Variants in CACNA2D3 observed in about 807,000 individuals in gnomAD.
The protein encoded by CACNA2D3 is calcium voltage-gated channel auxiliary subunit alpha2delta 3, also known as voltage-dependent calcium channel subunit alpha-2/delta-3.
Under a neutral mutation model 160.6 loss-of-function variants are expected in CACNA2D3, and 60 were observed. The ratio of observed to expected loss-of-function variants is 0.37; its 90% CI spans 0.30 to 0.46. The LOEUF is 0.46. CACNA2D3 is among the 20% of genes least tolerant of loss of function. The probability of loss-of-function intolerance (pLI) is 1.00; values close to 1 mark genes in which losing one functional copy is unlikely to be tolerated. For missense variants in CACNA2D3, 1,205 were observed against 1,365.0 expected (o/e 0.88, Z 1.85); for synonymous variants, 558 against 492.9 (o/e 1.13, Z -1.75).
chr3:54,724,700 C>A (rs116815933), intron 11 of CACNA2D3, among the ~76,000 whole-genome samples: 64 of 152,218 alleles, frequency 4.2e-4, no homozygotes, highest in Middle Eastern at 3.4e-3. Flanking sequence ...AAGGCAGAAA[C>A]AGAGATGTTC....
chr3:55,018,454 C>G (rs1183452145), intron 35 of CACNA2D3, 137 bp downstream of exon 35: 1 of 614,648 alleles, frequency 1.6e-6, no homozygotes, highest in African/African-American at 1.8e-5. Context: ...GGAAGTATTT[C>G]TATCAGCTTG....
chr3:54,702,315 AACAG>A (rs1219844519), intron 11 of CACNA2D3, among the ~76,000 whole-genome samples: 6 of 152,194 alleles, frequency 3.9e-5, no homozygotes, highest in African/African-American at 7.2e-5. Context: ...CAACAAAGTA[AACAG>A]ACAGAATGGG....
At chr3:54,868,127 C>T (rs897042189) in intron 17 of CACNA2D3, among the ~76,000 whole-genome samples, 2 of 152,174 alleles carry the variant, frequency 1.3e-5, no homozygotes, top group African/African-American at 4.8e-5. Flanking sequence ...AGGCTTAGTA[C>T]ATTAGAGTTG....
chr3:54,880,176 C>T (rs1699760199), intron 20 of CACNA2D3, among the ~76,000 whole-genome samples: 3 of 152,190 alleles, frequency 2.0e-5, no homozygotes, highest in African/African-American at 7.2e-5. Flanking sequence ...ACCACATGAG[C>T]TGCTAAGTGG....
chr3:54,451,331 G>A (rs1200248903), intron 4 of CACNA2D3, among the ~76,000 whole-genome samples: 3 of 128,490 alleles, frequency 2.3e-5, no homozygotes, highest in Non-Finnish European at 3.1e-5. Context: ...CTCACTGCAA[G>A]CTCTGCCTAC....
At chr3:54,482,032 A>C (rs1001932023) in intron 4 of CACNA2D3, among the ~76,000 whole-genome samples, 2 of 152,176 alleles carry the variant, frequency 1.3e-5, no homozygotes, top group African/African-American at 4.8e-5. Flanking sequence ...CTTGGAAGAA[A>C]TATGCATCAA....
intron 11 of CACNA2D3, among the ~76,000 whole-genome samples, chr3:54,726,466 C>G (rs1701278874): frequency 6.6e-6 from 1 of 152,136 alleles, no homozygotes; most frequent in Non-Finnish European, 1.5e-5. Context: ...CAATCCTGGG[C>G]AAGAAGAGCA....
At chr3:54,520,008 A>G (rs147576089) in intron 5 of CACNA2D3, among the ~76,000 whole-genome samples, 249 of 152,382 alleles carry the variant, frequency 1.6e-3, no homozygotes, top group African/African-American at 5.8e-3. Flanking sequence ...GTCTGCATTA[A>G]GAATAAAACC....
At chr3:54,471,594 A>G (rs963263819) in intron 4 of CACNA2D3, among the ~76,000 whole-genome samples, 2 of 152,212 alleles carry the variant, frequency 1.3e-5, no homozygotes, top group African/African-American at 4.8e-5. Flanking sequence ...ACTCTTCAAA[A>G]TAATCAGTGA....
chr3:54,752,573 C>G (rs374964414), intron 11 of CACNA2D3, 26 bp from the exon 12 acceptor site: 1 of 1,582,662 alleles, frequency 6.3e-7, no homozygotes, highest in South Asian at 1.1e-5. Flanking sequence ...GAATGCCGCT[C>G]AGCCATGCGT....
At position 54,804,557 on chromosome 3, in the gene CACNA2D3, T is replaced by C. The variant is rs372173445; in HGVS notation, c.1381-12296T>C. Among the ~76,000 whole-genome samples the C allele has an allele frequency of 9.2e-5, 14 of 152,228 alleles. No homozygotes were observed. The East Asian group carries it at 1.5e-3, about 17-fold the overall frequency. On this transcript the variant is annotated intron_variant, in intron 13 of 37. Coordinates refer to ENST00000474759, the MANE Select transcript of CACNA2D3 (RefSeq NM_018398.3). The stretch of plus-strand genomic sequence containing the variant: ...AGCACCCAGTTTCATAAAGCAAGTC[T>C]TGAGTGACCTACAAAGAGACTTAGA...
intron 10 of CACNA2D3, among the ~76,000 whole-genome samples, chr3:54,633,163 CAGG>C (rs1397547616): frequency 6.6e-6 from 1 of 152,156 alleles, no homozygotes; most frequent in Non-Finnish European, 1.5e-5. Context: ...GAAGTAGAGG[CAGG>C]AGGAGGAGAT....
At chr3:54,752,490 A>G in intron 11 of CACNA2D3, 109 bp from the exon 12 acceptor site, 1 of 702,340 alleles carries the variant, frequency 1.4e-6, no homozygotes, top group South Asian at 1.6e-5. Context: ...GCAGATGGGA[A>G]GCATGGAGCA....
intron 13 of CACNA2D3, among the ~76,000 whole-genome samples, chr3:54,791,850 A>G (rs886498747): frequency 5.3e-5 from 8 of 152,228 alleles, no homozygotes; most frequent in African/African-American, 1.9e-4. Context: ...GATAGTCAGT[A>G]CAAACATAAG....
At chr3:54,276,668 A>T (rs1029437914) in intron 2 of CACNA2D3, among the ~76,000 whole-genome samples, 9 of 151,928 alleles carry the variant, frequency 5.9e-5, no homozygotes, top group Non-Finnish European at 1.3e-4. Context: ...TGAGGCAGGG[A>T]AAAGAGGAAT....
At chr3:54,214,123 A>G (rs1398101872) in intron 2 of CACNA2D3, among the ~76,000 whole-genome samples, 3 of 152,234 alleles carry the variant, frequency 2.0e-5, no homozygotes, top group Non-Finnish European at 4.4e-5. Flanking sequence ...CATAAATACC[A>G]GAGATGCCTC....
At chr3:54,628,987 G>C (rs926294736) in intron 10 of CACNA2D3, among the ~76,000 whole-genome samples, 1 of 152,150 alleles carries the variant, frequency 6.6e-6, no homozygotes. Flanking sequence ...TATCCCCTGA[G>C]AGCGTAGAGA....
At chr3:54,602,806 C>T (rs995987743) in intron 9 of CACNA2D3, among the ~76,000 whole-genome samples, 2 of 152,060 alleles carry the variant, frequency 1.3e-5, no homozygotes, top group Non-Finnish European at 2.9e-5. Flanking sequence ...TTTTTTAAAC[C>T]AGCATTCAAT....
chr3:54,809,198 C>T (rs1703216946), intron 13 of CACNA2D3, among the ~76,000 whole-genome samples: 1 of 151,082 alleles, frequency 6.6e-6, no homozygotes, highest in South Asian at 2.1e-4. Flanking sequence ...TTCCTTCTTT[C>T]TTCTCCTTCC....
Sources: allele counts gnomAD v4.1 joint callset (sites outside exome capture counted in the v4.1 genomes callset), GRCh38; gene constraint gnomAD v4.1.1; transcripts MANE v1.5; gene names NCBI Gene and HGNC (gene_info 2026-07-23, HGNC 2026-07-21).